Variants in MOBP observed in about 807,000 individuals in gnomAD.
MOBP encodes myelin-associated oligodendrocyte basic protein.
MOBP carries 5 observed loss-of-function variants against 15.0 expected under a neutral mutation model. The observed-to-expected ratio is 0.33, with a 90% CI of 0.17 to 0.70. The LOEUF (loss-of-function observed/expected upper bound fraction) is 0.70, where lower values mean the gene tolerates loss of function less well. Ranked by LOEUF, MOBP falls within the 30% of genes least tolerant of loss-of-function variation. The pLI is 0.67. For missense variants in MOBP, 188 were observed against 257.8 expected, an observed-to-expected ratio of 0.73 and a Z score of 1.85; for synonymous variants, 88 against 99.0, an observed-to-expected ratio of 0.89 and a Z score of 0.66.
chr3:39,502,503 C>T lies in MOBP; in HGVS notation c.207-32C>T. The T allele has an allele frequency of 4.5e-6, 7 of 1,555,160 alleles. No individual in the cohort carries two copies. The highest frequency in any genetic ancestry group is 6.0e-6 in the Non-Finnish European group (7 of 1,158,482). ...CTTAAGCAGCAGAGGAGAGCCCTGG[C>T]TCCCGCCTCCAGCTTCTTTTGGCCC... On this transcript the variant is annotated intron_variant, in intron 3 of 3. Transcript: ENST00000684792. This position sits in a 1 kb window ranked among gnomAD's most constrained non-coding sequence, Gnocchi z 6.3.
chr3:39,489,625 G>T (rs748954689), intron 2 of MOBP, among the ~76,000 whole-genome samples: 2 of 152,066 alleles, frequency 1.3e-5, no homozygotes, highest in Non-Finnish European at 2.9e-5. Flanking sequence ...TTAGCACCAA[G>T]AATTGCTCTC....
chr3:39,522,491 A>G (rs1337533169), intron 3 of MOBP, among the ~76,000 whole-genome samples: 1 of 152,150 alleles, frequency 6.6e-6, no homozygotes, highest in Admixed American at 6.5e-5. Flanking sequence ...TCTGGAATGT[A>G]TGGAAACAGT....
intron 1 of MOBP, among the ~76,000 whole-genome samples, chr3:39,471,346 G>A (rs1202926737): frequency 2.6e-5 from 4 of 152,006 alleles, no homozygotes; most frequent in Non-Finnish European, 5.9e-5. Context: ...AGCCAGGATG[G>A]TCTCAATCTC....
intron 1 of MOBP, among the ~76,000 whole-genome samples, chr3:39,474,447 A>G (rs2042514719): frequency 6.6e-6 from 1 of 152,246 alleles, no homozygotes; most frequent in African/African-American, 2.4e-5. Flanking sequence ...ACAAACCTAG[A>G]TGGTACAGGC....
chr3:39,518,235 G>A (rs1023123046), downstream of MOBP, among the ~76,000 whole-genome samples: 1 of 152,146 alleles, frequency 6.6e-6, no homozygotes, highest in Non-Finnish European at 1.5e-5. Flanking sequence ...AAGGTGCAAG[G>A]ATTTTGTAGA....
At chr3:39,473,002 G>A (rs1177954539) in intron 1 of MOBP, among the ~76,000 whole-genome samples, 1 of 152,174 alleles carries the variant, frequency 6.6e-6, no homozygotes, top group Non-Finnish European at 1.5e-5. Flanking sequence ...AGAGAGTCTT[G>A]TGGATAGGGG....
At chr3:39,482,618 C>T (rs1046971228) in intron 2 of MOBP, among the ~76,000 whole-genome samples, 11 of 145,196 alleles carry the variant, frequency 7.6e-5, no homozygotes, top group African/African-American at 2.1e-4. Context: ...CGCCACTGCA[C>T]TCCAGCCTGG....
chr3:39,498,688 A>G (rs2042922686), intron 2 of MOBP, among the ~76,000 whole-genome samples: 1 of 152,198 alleles, frequency 6.6e-6, no homozygotes, highest in Non-Finnish European at 1.5e-5. Context: ...TGTGTTAGGA[A>G]TGGCGAGGTT....
At chr3:39,514,688 G>A (rs1208847682) in exon 5 of MOBP, 1 of 152,328 alleles carries the variant, frequency 6.6e-6, no homozygotes, top group African/African-American at 2.4e-5. Context: ...CCTGATGTGA[G>A]GGGTCTGAAC....
At chr3:39,496,204 T>C (rs932860875) in intron 2 of MOBP, among the ~76,000 whole-genome samples, 1 of 151,500 alleles carries the variant, frequency 6.6e-6, no homozygotes. Context: ...TTTTTCTTTT[T>C]TTTTTTGTTT....
chr3:39,500,969 A>T (rs2042961761), intron 2 of MOBP, among the ~76,000 whole-genome samples: 2 of 152,264 alleles, frequency 1.3e-5, no homozygotes, highest in Non-Finnish European at 2.9e-5. Context: ...TGATGATCAC[A>T]AACAGAGGTG....
chr3:39,475,328 A>G (rs931454425), intron 1 of MOBP, among the ~76,000 whole-genome samples: 1 of 152,170 alleles, frequency 6.6e-6, no homozygotes, highest in African/African-American at 2.4e-5. Context: ...CTGAGATGAT[A>G]CTTCCCAGAT....
chr3:39,489,987 T>A (rs913912046), intron 2 of MOBP, among the ~76,000 whole-genome samples: 6 of 152,234 alleles, frequency 3.9e-5, no homozygotes, highest in Non-Finnish European at 8.8e-5. Context: ...ATTTCTGTAG[T>A]TAGCTAATTA....
downstream of MOBP, among the ~76,000 whole-genome samples, chr3:39,505,725 G>A (rs140631604): frequency 5.9e-5 from 9 of 152,234 alleles, no homozygotes; most frequent in Admixed American, 3.3e-4. Context: ...GGTTAACTAC[G>A]CCTTCTCTGA....
chr3:39,496,942 C>A (rs1438616060), intron 2 of MOBP, among the ~76,000 whole-genome samples: 1 of 152,128 alleles, frequency 6.6e-6, no homozygotes, highest in Non-Finnish European at 1.5e-5. Flanking sequence ...GGATTACAGG[C>A]GTTAGCCACC....
intron 2 of MOBP, among the ~76,000 whole-genome samples, chr3:39,499,302 C>T (rs957926772): frequency 6.6e-6 from 1 of 152,178 alleles, no homozygotes; most frequent in Non-Finnish European, 1.5e-5. Context: ...GAATCTGACC[C>T]TATAAGTCAG....
intron 2 of MOBP, among the ~76,000 whole-genome samples, chr3:39,496,943 G>A (rs536570480): frequency 2.6e-5 from 4 of 151,688 alleles, no homozygotes; most frequent in Admixed American, 6.6e-5. Flanking sequence ...GATTACAGGC[G>A]TTAGCCACCT....
At chr3:39,498,774 C>T (rs1005052455) in intron 2 of MOBP, among the ~76,000 whole-genome samples, 39 of 152,182 alleles carry the variant, frequency 2.6e-4, no homozygotes, top group African/African-American at 7.9e-4. Flanking sequence ...TGCCCCCTGC[C>T]GGACATGGTC....
intron 1 of MOBP, among the ~76,000 whole-genome samples, chr3:39,473,190 G>T (rs2042495624): frequency 6.6e-6 from 1 of 152,186 alleles, no homozygotes; most frequent in African/African-American, 2.4e-5. Context: ...CTGTGCTCTG[G>T]GTGGTTAAGG....
Sources: allele counts gnomAD v4.1 joint callset (sites outside exome capture counted in the v4.1 genomes callset), GRCh38; gene constraint gnomAD v4.1.1; non-coding constraint Gnocchi (gnomAD v3.1); transcripts MANE v1.5; gene names NCBI Gene and HGNC (gene_info 2026-07-23, HGNC 2026-07-21).